Variants in ERC1 observed in about 807,000 individuals in gnomAD.
The protein encoded by ERC1 is RAB6 interacting protein 2.
In ERC1, 56 loss-of-function variants were observed where a neutral mutation model predicts 132.0. That is an observed-to-expected ratio of 0.42 (90% CI 0.34 to 0.53). The LOEUF (loss-of-function observed/expected upper bound fraction) is 0.53, where lower values mean the gene tolerates loss of function less well. Among genes scored for constraint, ERC1 ranks in the 20% least tolerant of loss-of-function variants. The pLI is 0.03. For missense variants in ERC1, 1,202 were observed against 1,349.9 expected (o/e 0.89, Z 1.72); for synonymous variants, 478 against 476.1 (o/e 1.00, Z -0.05).
At chr12:1,148,892 A>G (rs903393793) in intron 8 of ERC1, among the ~76,000 whole-genome samples, 6 of 152,058 alleles carry the variant, frequency 3.9e-5, no homozygotes, top group Non-Finnish European at 5.9e-5. Flanking sequence ...ATGAGCCACC[A>G]AGTTTGGCCT....
Position 1,407,562 on chromosome 12 carries a change from G to GTGCT in ERC1, c.2926-584_2926-581dup, listed in dbSNP as rs2091582967. ...TTTTTTTAAAAAGACAGTTCATGAA[G>GTGCT]TGCTTGATTTGGGGATATTGCCTCT... On this transcript the variant is annotated intron_variant, in intron 16 of 18. Coordinates refer to ENST00000360905, the MANE Select transcript of ERC1 (RefSeq NM_178040.4). 2.7e-5 allele frequency among the ~76,000 whole-genome samples: 4 copies of GTGCT among 149,380 alleles called. No homozygotes were observed. In the South Asian group the frequency reaches 8.3e-4, roughly 31 times the overall value.
At chr12:1,326,298 A>G (rs914783865) in intron 15 of ERC1, among the ~76,000 whole-genome samples, 4 of 152,168 alleles carry the variant, frequency 2.6e-5, no homozygotes, top group African/African-American at 7.2e-5. Context: ...GACCTCTCAA[A>G]TTAGATTTAA....
At chr12:1,193,778 T>C (rs1371203271) in intron 12 of ERC1, among the ~76,000 whole-genome samples, 1 of 152,224 alleles carries the variant, frequency 6.6e-6, no homozygotes, top group East Asian at 1.9e-4. Context: ...GATTCATTTA[T>C]GTCCATTGGG....
chr12:1,218,227 GA>G (rs1958604533), intron 12 of ERC1, among the ~76,000 whole-genome samples: 1 of 152,138 alleles, frequency 6.6e-6, no homozygotes, highest in African/African-American at 2.4e-5. Flanking sequence ...GCCTTTGCCT[GA>G]ATAGTGCCAC....
chr12:1,187,837 A>T (rs1955279818), intron 11 of ERC1, among the ~76,000 whole-genome samples: 1 of 152,202 alleles, frequency 6.6e-6, no homozygotes, highest in South Asian at 2.1e-4. Flanking sequence ...TATAATTTAT[A>T]GCCTCTATTA....
chr12:1,239,550 T>C (rs907608004), intron 13 of ERC1, among the ~76,000 whole-genome samples: 11 of 152,080 alleles, frequency 7.2e-5, no homozygotes, highest in African/African-American at 2.7e-4. Flanking sequence ...AGACCCTGCC[T>C]CTAAAAAAAT....
chr12:1,440,063 G>T (rs1000715076), intron 17 of ERC1, among the ~76,000 whole-genome samples: 2 of 152,074 alleles, frequency 1.3e-5, no homozygotes, highest in African/African-American at 4.8e-5. Flanking sequence ...GTGGTATTTT[G>T]ATACCTCTAT....
intron 1 of ERC1, among the ~76,000 whole-genome samples, chr12:1,022,509 C>CT (rs1966530150): frequency 6.6e-6 from 1 of 152,132 alleles, no homozygotes; most frequent in Non-Finnish European, 1.5e-5. Flanking sequence ...TTGAAAAACA[C>CT]TGACTGGGGA....
At chr12:1,040,238 G>A (rs564372391) in intron 2 of ERC1, among the ~76,000 whole-genome samples, 41 of 152,040 alleles carry the variant, frequency 2.7e-4, no homozygotes, top group African/African-American at 8.9e-4. Context: ...TTATGGACAA[G>A]ATTAGAAATG....
intron 13 of ERC1, among the ~76,000 whole-genome samples, chr12:1,262,378 G>T (rs1460650238): frequency 3.3e-5 from 5 of 152,172 alleles, no homozygotes; most frequent in Admixed American, 6.5e-5. Flanking sequence ...TTAAACTTGT[G>T]TAGAACATCA....
chr12:1,407,827 T>A (rs1444346072), intron 16 of ERC1, among the ~76,000 whole-genome samples: 1 of 152,182 alleles, frequency 6.6e-6, no homozygotes, highest in East Asian at 1.9e-4. Flanking sequence ...TCTCTTCTTC[T>A]TCTTACGAAG....
At chr12:1,151,447 T>TGATCTAA (rs1950829050) in intron 8 of ERC1, among the ~76,000 whole-genome samples, 1 of 152,214 alleles carries the variant, frequency 6.6e-6, no homozygotes, top group Non-Finnish European at 1.5e-5. Flanking sequence ...AGGACAGATT[T>TGATCTAA]GATCTAAGAA....
In ERC1 at chr12:1,289,939, G is replaced by A; in HGVS notation, c.2707G>A (p.Ala903Thr). ...AKLSSTQQSL[A>T]EKETHLTNLR... ...GCTGTCCTCCACCCAGCAGTCTCTGGCAGAAAAGGAAACTCACTTGACTAA... is the reference window on the plus strand; with the variant it reads ...GCTGTCCTCCACCCAGCAGTCTCTGACAGAAAAGGAAACTCACTTGACTAA... Residue 903 changes from alanine (A) to threonine (T), a missense_variant, in exon 15 of 19, where the codon GCA becomes ACA. Transcript: ENST00000360905. 6.2e-7 allele frequency: 1 copy of A among 1,614,058 alleles called. No homozygotes were observed. Among genetic ancestry groups the A allele is most frequent in the Non-Finnish European group, 8.5e-7 (1 of 1,179,946 alleles).
intron 15 of ERC1, among the ~76,000 whole-genome samples, chr12:1,335,933 A>G (rs1464665110): frequency 6.6e-6 from 1 of 151,894 alleles, no homozygotes; most frequent in African/African-American, 2.4e-5. Context: ...GGCTTCCTCA[A>G]TTTCAGAGTT....
intron 16 of ERC1, among the ~76,000 whole-genome samples, chr12:1,382,163 A>G (rs147292140): frequency 3.6e-4 from 55 of 152,364 alleles, no homozygotes; most frequent in African/African-American, 1.2e-3. Flanking sequence ...AAATAAGTAT[A>G]TAATCTTGAA....
intron 12 of ERC1, among the ~76,000 whole-genome samples, chr12:1,199,821 A>T (rs1956737455): frequency 6.6e-6 from 1 of 151,908 alleles, no homozygotes; most frequent in African/African-American, 2.4e-5. Flanking sequence ...TGTTCATAGG[A>T]TTTGGGCTAA....
intron 15 of ERC1, among the ~76,000 whole-genome samples, chr12:1,327,477 A>G (rs1491003875): frequency 6.6e-6 from 1 of 152,226 alleles, no homozygotes; most frequent in East Asian, 1.9e-4. Context: ...CGTTGTCTGC[A>G]CATGACAGTT....
intron 14 of ERC1, among the ~76,000 whole-genome samples, chr12:1,276,659 A>G (rs1258394589): frequency 6.6e-6 from 1 of 152,112 alleles, no homozygotes; most frequent in Non-Finnish European, 1.5e-5. Context: ...GTCTCCTAGA[A>G]TGAAAGCTCC....
intron 14 of ERC1, among the ~76,000 whole-genome samples, chr12:1,273,813 A>C (rs546191401): frequency 2.6e-5 from 4 of 152,228 alleles, no homozygotes; most frequent in Non-Finnish European, 4.4e-5. Flanking sequence ...CTACATATAC[A>C]TAGTTAGTAG....
Sources: allele counts gnomAD v4.1 joint callset (sites outside exome capture counted in the v4.1 genomes callset), GRCh38; gene constraint gnomAD v4.1.1; transcripts MANE v1.5; gene names NCBI Gene and HGNC (gene_info 2026-07-23, HGNC 2026-07-21).